Variants in CCNL2 observed in about 807,000 individuals in gnomAD.
CCNL2 encodes cyclin-L2.
In CCNL2, 28 loss-of-function variants were observed where a neutral mutation model predicts 59.1. That is an observed-to-expected ratio of 0.47 (90% CI 0.35 to 0.65). CCNL2 has a LOEUF of 0.65. Among genes scored for constraint, CCNL2 ranks in the 30% least tolerant of loss-of-function variants. CCNL2 has a pLI of 0.00. For missense variants in CCNL2, 714 were observed against 717.4 expected, an observed-to-expected ratio of 1.00 and a Z score of 0.05; for synonymous variants, 342 against 288.6, an observed-to-expected ratio of 1.19 and a Z score of -1.88.
intron 6 of CCNL2, 40 bp from the exon 7 acceptor site, chr1:1,390,603 C>A (rs747498144): frequency 1.3e-6 from 2 of 1,558,004 alleles, no homozygotes; most frequent in South Asian, 2.3e-5. Context: ...CTTTCCTCAA[C>A]TTCACGGCCA....
Position 1,390,212 on chromosome 1 carries a change from G to A in CCNL2, c.1006+18C>T, listed in dbSNP as rs1557715084. The A allele has an allele frequency of 6.3e-7, 1 of 1,590,116 alleles. No individual in the cohort carries two copies. The highest frequency in any genetic ancestry group is 1.7e-5 in the Admixed American group (1 of 57,596). On this transcript the variant is annotated intron_variant, in intron 8 of 10. Coordinates refer to ENST00000400809, the MANE Select transcript of CCNL2 (RefSeq NM_030937.6). ...TTGCCTTTGTGGGGAGTGGATTCCT[G>A]CACTCTAACAGACTCACCCAGCTTG... is the stretch of plus-strand genomic sequence containing the variant.
intron 3 of CCNL2, among the ~76,000 whole-genome samples, chr1:1,397,188 A>G (rs1005971383): frequency 6.6e-6 from 1 of 152,216 alleles, no homozygotes; most frequent in African/African-American, 2.4e-5. Flanking sequence ...TGTGTTTTCT[A>G]AAGGACTTCA....
rs776793893 is a variant in CCNL2 at position 1,390,577 on chromosome 1, C to G, written c.760-14G>C. The G allele has an allele frequency of 2.7e-5, 43 of 1,595,604 alleles. No individual in the cohort carries two copies. The highest frequency in any genetic ancestry group is 3.3e-5 in the Non-Finnish European group (38 of 1,165,160). On this transcript the variant is annotated splice_polypyrimidine_tract_variant and intron_variant, in intron 6 of 10. Coordinates refer to ENST00000400809, the MANE Select transcript of CCNL2 (RefSeq NM_030937.6). ...GGGCAAAGGGATCTGTAAAAACAAA[C>G]ACTATCATCATTACACTTTCCTCAA...
chr1:1,394,465 T>A lies in CCNL2; in HGVS notation c.594+929A>T, dbSNP rs565120477. On this transcript the variant is annotated intron_variant, in intron 4 of 10. Coordinates refer to ENST00000400809, the MANE Select transcript of CCNL2 (RefSeq NM_030937.6). ...AAAGCAAATGTAGAAAATTAACTGT[T>A]GAGGCTGGGTGCAGTGGCTCACACT... is the stretch of plus-strand genomic sequence containing the variant. Among the ~76,000 whole-genome samples, 11 of 152,168 alleles carry A rather than the reference T, an allele frequency of 7.2e-5. No individual in the cohort carries two copies. The South Asian group carries it at 2.3e-3, about 32-fold the overall frequency.
At chr1:1,398,192 A>T (rs1364309857) in intron 3 of CCNL2, 41 bp downstream of exon 3, 1 of 1,576,368 alleles carries the variant, frequency 6.3e-7, no homozygotes. Flanking sequence ...AATAAAGAAA[A>T]TAGGCATCTA....
intron 3 of CCNL2, 131 bp from the exon 4 acceptor site, chr1:1,395,645 C>T: frequency 7.6e-7 from 1 of 1,324,460 alleles, no homozygotes. Context: ...AGTCCACATC[C>T]TCTGATGAAC....
intron 5 of CCNL2, chr1:1,391,406 C>T: frequency 1.7e-6 from 2 of 1,191,080 alleles, no homozygotes; most frequent in South Asian, 3.2e-5. Flanking sequence ...CCCTTCTCTG[C>T]TGACCGAGCT....
chr1:1,390,717 G>A (rs1644719130), intron 6 of CCNL2, 49 bp downstream of exon 6: 2 of 1,569,110 alleles, frequency 1.3e-6, no homozygotes, highest in South Asian at 1.1e-5. Flanking sequence ...CTGGAGGCTG[G>A]AGAAAAAAAA....
intron 5 of CCNL2, chr1:1,391,827 C>A (rs1345920651): frequency 3.4e-6 from 1 of 298,450 alleles, no homozygotes; most frequent in African/African-American, 2.3e-5. Flanking sequence ...TTTATGAATA[C>A]TGCAAAAACA....
chr1:1,394,279 G>A (rs1644898900), intron 4 of CCNL2, among the ~76,000 whole-genome samples: 1 of 152,152 alleles, frequency 6.6e-6, no homozygotes, highest in African/African-American at 2.4e-5. Context: ...CAAGTGCTTT[G>A]TTTCCATGTG....
intron 2 of CCNL2, 63 bp from the exon 3 acceptor site, chr1:1,398,405 C>T: frequency 1.2e-6 from 2 of 1,610,678 alleles, no homozygotes; most frequent in Non-Finnish European, 1.7e-6. Context: ...TGACGGCCGC[C>T]AAAGGCTTGA....
rs1356212437 is a variant in CCNL2, at chr1:1,395,478, A to G, written c.510T>C (p.Val170=). The change falls in exon 4 of 11, where the codon GTT becomes GTC. Residue 170 remains valine, a synonymous_variant. Coordinates refer to ENST00000400809, the MANE Select transcript of CCNL2 (RefSeq NM_030937.6). ...PVPLLLDQDY[V]NLKNQIIKAE... is the part of the protein sequence containing the mutation. ...CCTTTATAATTTGGTTCTTTAAATTAACATAATCTTGATCCAGTAGTAGAG... is the reference window on the plus strand; with the variant it reads ...CCTTTATAATTTGGTTCTTTAAATTGACATAATCTTGATCCAGTAGTAGAG... 1.9e-6 allele frequency: 3 copies of G among 1,614,152 alleles called. No homozygotes were observed. The highest frequency in any genetic ancestry group is 2.2e-5 in the East Asian group (1 of 44,880).
chr1:1,398,820 C>T, intron 1 of CCNL2, 149 bp from the exon 2 acceptor site: 1 of 1,256,386 alleles, frequency 8.0e-7, no homozygotes, highest in South Asian at 1.5e-5. Flanking sequence ...CCCGCCGTCT[C>T]GGGATCCAGC....
Position 1,387,107 on chromosome 1 carries a change from G to C in CCNL2, c.*124C>G, listed in dbSNP as rs2100251586. On this transcript the variant is annotated 3_prime_UTR_variant, in exon 11 of 11. Transcript: ENST00000400809. Reference sequence around the variant, plus strand: ...GACAGACATTTCCAAAAAGAATCCTGTTCTAGGACCACTTGCGCTGAGAGC... The same window carrying C: ...GACAGACATTTCCAAAAAGAATCCTCTTCTAGGACCACTTGCGCTGAGAGC... 4.2e-6 allele frequency: 3 copies of C among 719,982 alleles called. No homozygotes were observed. In the East Asian group the frequency reaches 7.7e-5, roughly 18 times the overall value. 44.6% of individuals were successfully genotyped at this position (719,982 alleles called of 1,614,324 possible).
intron 10 of CCNL2, 76 bp from the exon 11 acceptor site, chr1:1,387,658 A>T: frequency 1.4e-6 from 2 of 1,391,002 alleles, no homozygotes; most frequent in Non-Finnish European, 9.8e-7. Context: ...AGGAGCTCAG[A>T]CAAGACACAC....
Position 1,398,390 on chromosome 1 carries a change from CGTCCTGACGGCCGCCA to C in CCNL2, c.364-64_364-49del. The C allele has an allele frequency of 2.5e-6, 4 of 1,612,004 alleles. No individual in the cohort carries two copies. In the South Asian group the frequency reaches 4.4e-5, roughly 18 times the overall value. On this transcript the variant is annotated intron_variant, in intron 2 of 10. Transcript: ENST00000400809. ...CGCCCATGTTTGTCCCCAGCCACGG[CGTCCTGACGGCCGCCA>C]AAGGCTTGAGGGCTATTCAGACCAA...
At position 1,393,606 on chromosome 1, in the gene CCNL2, G is replaced by C. The variant is rs905115601; in HGVS notation, c.595-146C>G. ...ACACGTCTGGCGGACGGCTCAGCTG[G>C]AGGGAGCTTTGCGATTGCACCTGCT... On this transcript the variant is annotated intron_variant, in intron 4 of 10. Transcript: ENST00000400809. The C allele has an allele frequency of 4.0e-5, 28 of 707,054 alleles. No homozygotes were observed. The Middle Eastern group carries it at 7.5e-4, about 19-fold the overall frequency. The allele number at this position is 707,054 out of a possible 1,614,324, so 43.8% of individuals were successfully genotyped here.
At chr1:1,395,211 C>G in intron 4 of CCNL2, 183 bp downstream of exon 4, 1 of 542,112 alleles carries the variant, frequency 1.8e-6, no homozygotes, top group African/African-American at 1.9e-5. Context: ...CTAAAATAAA[C>G]AGCTGACACT....
In CCNL2 at chr1:1,393,473, G is replaced by T. The variant is rs907264181; in HGVS notation, c.595-13C>A. The T allele has an allele frequency of 1.2e-6, 2 of 1,613,054 alleles. No individual in the cohort carries two copies. Among genetic ancestry groups the T allele is most frequent in the Middle Eastern group, 1.6e-4 (1 of 6,062 alleles). On this transcript the variant is annotated splice_polypyrimidine_tract_variant and intron_variant, in intron 4 of 10. Transcript: ENST00000400809. ...ACATAACGATTATCTGGAAGATACGGGTCAGGCAGTTATTACCAAGAACCT... is the reference window on the plus strand; with the variant it reads ...ACATAACGATTATCTGGAAGATACGTGTCAGGCAGTTATTACCAAGAACCT...
Sources: gnomAD v4.1 joint callset for allele counts (sites outside exome capture counted in the v4.1 genomes callset) on GRCh38, gnomAD v4.1.1 for gene constraint, MANE v1.5 for transcripts, NCBI Gene and HGNC (gene_info 2026-07-23, HGNC 2026-07-21) for gene names.